Variants in ACOXL observed in about 807,000 individuals in gnomAD.
The protein encoded by ACOXL is acyl-CoA oxidase like.
Under a neutral mutation model 71.9 loss-of-function variants are expected in ACOXL, and 70 were observed. The observed-to-expected ratio is 0.97, with a 90% CI of 0.80 to 1.19. The LOEUF is 1.19. ACOXL is among the 50% of genes most tolerant of loss of function. ACOXL has a pLI of 0.00. For synonymous variants in ACOXL, 253 were observed against 281.6 expected (o/e 0.90, Z 1.02); for missense variants, 703 against 736.3 (o/e 0.95, Z 0.52).
intron 11 of ACOXL, among the ~76,000 whole-genome samples, chr2:110,925,257 A>G (rs960107589): frequency 3.3e-5 from 5 of 152,254 alleles, no homozygotes; most frequent in Non-Finnish European, 7.3e-5. Context: ...TAAAGCCACT[A>G]GCTGCATTAG....
chr2:110,893,311 C>T (rs1046259704), intron 10 of ACOXL, among the ~76,000 whole-genome samples: 6 of 150,928 alleles, frequency 4.0e-5, no homozygotes, highest in African/African-American at 7.3e-5. Flanking sequence ...AAGCTATGGA[C>T]GATTTGAAGA....
At chr2:110,917,307 T>C (rs1376814667) in intron 11 of ACOXL, among the ~76,000 whole-genome samples, 1 of 152,104 alleles carries the variant, frequency 6.6e-6, no homozygotes. Flanking sequence ...AAAAACCACA[T>C]GATTATCTCA....
At chr2:110,949,668 C>T (rs1225627047) in intron 12 of ACOXL, among the ~76,000 whole-genome samples, 1 of 152,124 alleles carries the variant, frequency 6.6e-6, no homozygotes, top group African/African-American at 2.4e-5. Context: ...TCATTTTTGA[C>T]TCCCTGACAT....
At chr2:110,947,648 T>C (rs1251402412) in intron 12 of ACOXL, among the ~76,000 whole-genome samples, 1 of 152,206 alleles carries the variant, frequency 6.6e-6, no homozygotes, top group African/African-American at 2.4e-5. Flanking sequence ...CCATTAGACA[T>C]GGGAGCTGCC....
At chr2:110,904,807 A>C (rs1229527422) in intron 10 of ACOXL, among the ~76,000 whole-genome samples, 1 of 152,182 alleles carries the variant, frequency 6.6e-6, no homozygotes, top group African/African-American at 2.4e-5. Context: ...TAGTATGGAT[A>C]ACTTCAGAAG....
intron 14 of ACOXL, among the ~76,000 whole-genome samples, chr2:111,001,510 C>T (rs2063628631): frequency 6.6e-6 from 1 of 152,214 alleles, no homozygotes; most frequent in Non-Finnish European, 1.5e-5. Flanking sequence ...CCAAGGGTCA[C>T]AGAGAATCAA....
chr2:111,040,541 C>T (rs1312948059), intron 15 of ACOXL, among the ~76,000 whole-genome samples: 10 of 152,246 alleles, frequency 6.6e-5, no homozygotes, highest in Admixed American at 6.5e-4. Flanking sequence ...TATGAAACAG[C>T]CCCTGCTCCC....
At chr2:110,947,543 T>TA (rs2061153905) in intron 12 of ACOXL, among the ~76,000 whole-genome samples, 1 of 152,214 alleles carries the variant, frequency 6.6e-6, no homozygotes, top group African/African-American at 2.4e-5. Context: ...TAAAACTTGA[T>TA]TCTCTTTCCT....
chr2:110,905,497 T>G (rs2059407629), intron 10 of ACOXL, among the ~76,000 whole-genome samples: 1 of 152,222 alleles, frequency 6.6e-6, no homozygotes, highest in Admixed American at 6.5e-5. Flanking sequence ...TCCCTAGAAG[T>G]TCTTCCAGTA....
chr2:110,779,731 G>A (rs1421623953), intron 2 of ACOXL, among the ~76,000 whole-genome samples: 2 of 152,200 alleles, frequency 1.3e-5, no homozygotes, highest in Non-Finnish European at 2.9e-5. Flanking sequence ...GGCAGTAAAC[G>A]ATGCTGGAAC....
At chr2:110,937,383 ATCAC>A (rs2060703816) in intron 12 of ACOXL, among the ~76,000 whole-genome samples, 1 of 150,310 alleles carries the variant, frequency 6.7e-6, no homozygotes, top group African/African-American at 2.4e-5. Context: ...TCTAGCACCT[ATCAC>A]TCAGGAAATA....
chr2:111,066,209 A>G (rs1355098948), intron 16 of ACOXL, among the ~76,000 whole-genome samples: 1 of 152,274 alleles, frequency 6.6e-6, no homozygotes, highest in African/African-American at 2.4e-5. Flanking sequence ...GCAATGAGAA[A>G]GAATGCACTA....
At chr2:110,792,956 G>C (rs1684823675) in intron 3 of ACOXL, among the ~76,000 whole-genome samples, 1 of 152,206 alleles carries the variant, frequency 6.6e-6, no homozygotes, top group Non-Finnish European at 1.5e-5. Context: ...ATGTGGGTGA[G>C]ACACTTTCCC....
At chr2:110,871,132 G>A (rs767900038) in intron 10 of ACOXL, among the ~76,000 whole-genome samples, 3 of 152,246 alleles carry the variant, frequency 2.0e-5, no homozygotes, top group Middle Eastern at 3.4e-3. Flanking sequence ...GAAACTTTAC[G>A]GGATGTCATT....
intron 10 of ACOXL, among the ~76,000 whole-genome samples, chr2:110,877,197 C>T (rs1696030689): frequency 1.3e-5 from 2 of 152,372 alleles, no homozygotes; most frequent in East Asian, 1.9e-4. Context: ...CTCACAGTTC[C>T]TGCCGTCTTT....
At chr2:111,035,078 G>A (rs1016224351) in intron 15 of ACOXL, among the ~76,000 whole-genome samples, 1 of 152,064 alleles carries the variant, frequency 6.6e-6, no homozygotes, top group Non-Finnish European at 1.5e-5. Flanking sequence ...GTGTTTGCCA[G>A]GGTGGTCTCA....
chr2:110,826,983 A>G (rs995931648), intron 9 of ACOXL, among the ~76,000 whole-genome samples: 2 of 152,148 alleles, frequency 1.3e-5, no homozygotes, highest in African/African-American at 4.8e-5. Context: ...GCACCAGAAC[A>G]TGGGCTTTGG....
chr2:111,006,224 A>G (rs1422880315), intron 14 of ACOXL, among the ~76,000 whole-genome samples: 1 of 152,216 alleles, frequency 6.6e-6, no homozygotes, highest in Non-Finnish European at 1.5e-5. Flanking sequence ...TGCAAAGGTC[A>G]CCTCGTGTAA....
At chr2:111,105,235 A>G (rs2069454078) in intron 17 of ACOXL, among the ~76,000 whole-genome samples, 1 of 152,154 alleles carries the variant, frequency 6.6e-6, no homozygotes, top group Non-Finnish European at 1.5e-5. Flanking sequence ...CTTAATTAAT[A>G]TAGTTACATA....
Sources: gnomAD v4.1 joint callset for allele counts (sites outside exome capture counted in the v4.1 genomes callset) on GRCh38, gnomAD v4.1.1 for gene constraint, MANE v1.5 for transcripts, NCBI Gene and HGNC (gene_info 2026-07-23, HGNC 2026-07-21) for gene names.